RGL1: variants seen among roughly 807,000 people sequenced by gnomAD.
The protein encoded by RGL1 is ral guanine nucleotide dissociation stimulator-like 1.
A neutral mutation model predicts 95.2 loss-of-function variants in RGL1; 24 were observed. The observed-to-expected ratio is 0.25, with a 90% CI of 0.18 to 0.35. RGL1 has a LOEUF of 0.35. Ranked by LOEUF, RGL1 falls within the 10% of genes least tolerant of loss-of-function variation. The probability of loss-of-function intolerance (pLI) is 1.00; values close to 1 mark genes in which losing one functional copy is unlikely to be tolerated. For synonymous variants in RGL1, 329 were observed against 344.9 expected (o/e 0.95, Z 0.51); for missense variants, 715 against 936.3 (o/e 0.76, Z 3.08).
At chr1:183,743,283 G>T (rs555704535) in intron 2 of RGL1, among the ~76,000 whole-genome samples, 1 of 152,142 alleles carries the variant, frequency 6.6e-6, no homozygotes, top group Non-Finnish European at 1.5e-5. Context: ...CAAAGCACTG[G>T]GATTACAGGT....
chr1:183,658,159 A>G (rs967583885), intron 1 of RGL1, among the ~76,000 whole-genome samples: 4 of 152,312 alleles, frequency 2.6e-5, no homozygotes, highest in Non-Finnish European at 5.9e-5. Flanking sequence ...CTGCATTTCC[A>G]TCTGAGGTAC....
intron 4 of RGL1, 63 bp from the exon 5 acceptor site, chr1:183,880,553 C>T: frequency 6.5e-7 from 1 of 1,528,776 alleles, no homozygotes; most frequent in Non-Finnish European, 9.0e-7. Context: ...CCCTGGTGTC[C>T]AGGGATTGCT....
At chr1:183,859,218 C>G (rs1665353914) in intron 3 of RGL1, among the ~76,000 whole-genome samples, 1 of 152,166 alleles carries the variant, frequency 6.6e-6, no homozygotes, top group Admixed American at 6.5e-5. Context: ...GATGGGCCAC[C>G]AAGCTCTGAG....
chr1:183,841,207 TG>T (rs1447404709), intron 2 of RGL1, among the ~76,000 whole-genome samples: 1 of 152,248 alleles, frequency 6.6e-6, no homozygotes, highest in Non-Finnish European at 1.5e-5. Flanking sequence ...ACAGCCATTG[TG>T]TATGTGCTAG....
intron 2 of RGL1, among the ~76,000 whole-genome samples, chr1:183,832,655 G>A (rs914746432): frequency 1.3e-5 from 2 of 152,152 alleles, no homozygotes; most frequent in Non-Finnish European, 2.9e-5. Flanking sequence ...CTGACTGTGG[G>A]TCCAGACTGC....
At chr1:183,739,106 G>A (rs1312802088) in intron 1 of RGL1, among the ~76,000 whole-genome samples, 1 of 152,144 alleles carries the variant, frequency 6.6e-6, no homozygotes, top group Non-Finnish European at 1.5e-5. Context: ...CTGAGCATGG[G>A]GCCCTGTGTG....
At chr1:183,694,715 G>T (rs1654158759) in intron 1 of RGL1, among the ~76,000 whole-genome samples, 1 of 152,210 alleles carries the variant, frequency 6.6e-6, no homozygotes, top group Non-Finnish European at 1.5e-5. Flanking sequence ...GGGTACTACT[G>T]GGACTGTGGG....
Position 183,927,314 on chromosome 1 carries a change from T to G in RGL1, c.*1022T>G, listed in dbSNP as rs567734211. 2 of 152,568 alleles carry G rather than the reference T, an allele frequency of 1.3e-5. No homozygotes were observed. The highest frequency in any genetic ancestry group is 2.9e-5 in the Non-Finnish European group (2 of 68,022). 9.5% of individuals were successfully genotyped at this position (152,568 alleles called of 1,614,324 possible). A position where few individuals can be genotyped will look rare whatever the true frequency, so the allele number is the denominator to read the frequency against. On this transcript the variant is annotated 3_prime_UTR_variant, in exon 18 of 18. Coordinates refer to ENST00000360851, the MANE Select transcript of RGL1 (RefSeq NM_001297671.3). ...TATTATGTGCAATTTATTCCTCAGG[T>G]GTGGAAATTTCTACTGCAATTGACT...
intron 1 of RGL1, among the ~76,000 whole-genome samples, chr1:183,725,711 A>G (rs1656274813): frequency 6.6e-6 from 1 of 152,214 alleles, no homozygotes; most frequent in African/African-American, 2.4e-5. Context: ...AAAAAGATAA[A>G]TCTACAATTA....
At chr1:183,858,631 G>A (rs185535739) in intron 3 of RGL1, among the ~76,000 whole-genome samples, 1 of 152,110 alleles carries the variant, frequency 6.6e-6, no homozygotes, top group African/African-American at 2.4e-5. Flanking sequence ...GGAAGATACT[G>A]GTGGTTTTGA....
chr1:183,723,136 A>G (rs775393696), intron 1 of RGL1, among the ~76,000 whole-genome samples: 110 of 152,212 alleles, frequency 7.2e-4, no homozygotes, highest in Admixed American at 5.2e-3. Context: ...CAAATAAGAT[A>G]AAGATGCGTA....
At chr1:183,771,426 A>G (rs1156700384) in intron 2 of RGL1, among the ~76,000 whole-genome samples, 1 of 152,172 alleles carries the variant, frequency 6.6e-6, no homozygotes, top group African/African-American at 2.4e-5. Context: ...GTTTCCCAAA[A>G]TATGTTCACT....
At chr1:183,926,002 C>A in intron 17 of RGL1, 103 bp from the exon 18 acceptor site, 1 of 950,576 alleles carries the variant, frequency 1.1e-6, no homozygotes, top group Non-Finnish European at 1.6e-6. Flanking sequence ...AGATGAAGGG[C>A]CGTAGTCCCG....
chr1:183,781,845 A>G (rs949724021), intron 2 of RGL1, among the ~76,000 whole-genome samples: 3 of 152,190 alleles, frequency 2.0e-5, no homozygotes, highest in Non-Finnish European at 4.4e-5. Flanking sequence ...GGACATATTG[A>G]TGTATTTTTA....
chr1:183,813,415 C>T (rs746029285), intron 2 of RGL1, among the ~76,000 whole-genome samples: 15 of 152,194 alleles, frequency 9.9e-5, no homozygotes, highest in African/African-American at 2.7e-4. Flanking sequence ...TGTCTAGAGA[C>T]GAAATCACAG....
intron 9 of RGL1, among the ~76,000 whole-genome samples, chr1:183,897,028 A>G (rs1667742336): frequency 6.6e-6 from 1 of 152,266 alleles, no homozygotes; most frequent in Admixed American, 6.5e-5. Context: ...CTACAGAAGT[A>G]GTCCCTTTCT....
chr1:183,647,822 TA>T (rs1558131773), intron 1 of RGL1: 10 of 1,614,122 alleles, frequency 6.2e-6, no homozygotes, highest in Non-Finnish European at 8.5e-6. Context: ...GAGGCATATT[TA>T]AGTGCCTTAC....
intron 9 of RGL1, among the ~76,000 whole-genome samples, chr1:183,896,426 T>A (rs1208095174): frequency 2.0e-5 from 3 of 152,232 alleles, no homozygotes; most frequent in Non-Finnish European, 4.4e-5. Flanking sequence ...TATTATCATT[T>A]GTGATGGGAA....
At chr1:183,680,698 T>C (rs1033658937) in intron 1 of RGL1, among the ~76,000 whole-genome samples, 1 of 152,234 alleles carries the variant, frequency 6.6e-6, no homozygotes, top group Non-Finnish European at 1.5e-5. Flanking sequence ...AAGTAGTTTT[T>C]TTCTGATTCT....
Sources: allele counts gnomAD v4.1 joint callset (sites outside exome capture counted in the v4.1 genomes callset), GRCh38; gene constraint gnomAD v4.1.1; transcripts MANE v1.5; gene names NCBI Gene and HGNC (gene_info 2026-07-23, HGNC 2026-07-21).